STK3: variants seen among roughly 807,000 people sequenced by gnomAD.
STK3 encodes the protein serine/threonine-protein kinase 3.
STK3 carries 41 observed loss-of-function variants against 58.0 expected under a neutral mutation model. The ratio of observed to expected loss-of-function variants is 0.71; its 90% CI spans 0.55 to 0.92. The LOEUF (loss-of-function observed/expected upper bound fraction) is 0.92. Ranked by LOEUF, STK3 falls within the 40% of genes least tolerant of loss-of-function variation. The probability of loss-of-function intolerance (pLI) is 0.00; values close to 1 mark genes in which losing one functional copy is unlikely to be tolerated. For synonymous variants in STK3, 170 were observed against 191.0 expected, an observed-to-expected ratio of 0.89 and a Z score of 0.91; for missense variants, 479 against 602.7, an observed-to-expected ratio of 0.79 and a Z score of 2.15.
intron 3 of STK3, among the ~76,000 whole-genome samples, chr8:98,833,051 G>C (rs150265136): frequency 1.2e-3 from 176 of 152,304 alleles, no homozygotes; most frequent in African/African-American, 3.7e-3. Flanking sequence ...CCAAATGTAA[G>C]GACAATGACC....
chr8:98,849,025 G>C (rs1011354937), intron 3 of STK3, among the ~76,000 whole-genome samples: 2 of 152,020 alleles, frequency 1.3e-5, no homozygotes, highest in Non-Finnish European at 2.9e-5. Context: ...AGGAGTTCGA[G>C]ACCATCCTGG....
chr8:98,582,668 T>G (rs189643401), intron 7 of STK3, among the ~76,000 whole-genome samples: 108 of 152,274 alleles, frequency 7.1e-4, no homozygotes, highest in African/African-American at 2.4e-3. Context: ...ATATGCTAGT[T>G]TCCTTTGTAT....
chr8:98,517,975 GGAGTAC>G (rs1825063799), intron 10 of STK3, among the ~76,000 whole-genome samples: 1 of 151,942 alleles, frequency 6.6e-6, no homozygotes, highest in Non-Finnish European at 1.5e-5. Context: ...ACATATGCTT[GGAGTAC>G]AATATCTTGT....
intron 3 of STK3, among the ~76,000 whole-genome samples, chr8:98,408,718 C>A (rs1284528156): frequency 6.6e-6 from 1 of 152,254 alleles, no homozygotes; most frequent in Non-Finnish European, 1.5e-5. Context: ...GGCTGGCTGG[C>A]AGCGCTCCTG....
downstream of STK3, among the ~76,000 whole-genome samples, chr8:98,367,118 T>G (rs1426056589): frequency 6.6e-6 from 1 of 152,246 alleles, no homozygotes; most frequent in Non-Finnish European, 1.5e-5. Context: ...ATCTGTAAAA[T>G]GGGGATATTC....
chr8:98,384,927 C>T (rs555583549), intron 1 of STK3, among the ~76,000 whole-genome samples: 269 of 152,248 alleles, frequency 1.8e-3, no homozygotes, highest in Non-Finnish European at 3.4e-3. Flanking sequence ...CTGGTGTAAC[C>T]GGGATAACAT....
At chr8:98,621,545 A>G (rs1204503314) in intron 6 of STK3, among the ~76,000 whole-genome samples, 2 of 152,180 alleles carry the variant, frequency 1.3e-5, no homozygotes, top group Non-Finnish European at 1.5e-5. Flanking sequence ...TTTTATAGGT[A>G]TTCTTCATCA....
intron 4 of STK3, among the ~76,000 whole-genome samples, chr8:98,748,610 T>C (rs1829783706): frequency 6.6e-6 from 1 of 151,960 alleles, no homozygotes; most frequent in Non-Finnish European, 1.5e-5. Context: ...ACTCTTCCTA[T>C]TCAAGAAAAA....
intron 4 of STK3, among the ~76,000 whole-genome samples, chr8:98,740,444 A>T (rs939146911): frequency 3.9e-5 from 6 of 152,238 alleles, no homozygotes; most frequent in Admixed American, 3.9e-4. Flanking sequence ...AATATTCAAG[A>T]TTATTAAAGA....
chr8:98,738,206 G>A (rs577144998), intron 4 of STK3, among the ~76,000 whole-genome samples: 23 of 152,108 alleles, frequency 1.5e-4, no homozygotes, highest in Non-Finnish European at 1.9e-4. Context: ...GGCCAGACAC[G>A]GTGGCTCATG....
intron 4 of STK3, among the ~76,000 whole-genome samples, chr8:98,716,380 C>T (rs1827015587): frequency 6.6e-6 from 1 of 151,616 alleles, no homozygotes; most frequent in Non-Finnish European, 1.5e-5. Flanking sequence ...AATGAGCAAT[C>T]TGAAAAGGAA....
intron 3 of STK3, among the ~76,000 whole-genome samples, chr8:98,871,734 G>C (rs923937037): frequency 1.3e-4 from 20 of 152,174 alleles, no homozygotes; most frequent in Admixed American, 6.6e-5. Flanking sequence ...AGTTTAAGGA[G>C]ATTTTGGGCT....
intron 10 of STK3, among the ~76,000 whole-genome samples, chr8:98,495,989 T>G (rs948715148): frequency 1.3e-5 from 2 of 152,180 alleles, no homozygotes; most frequent in African/African-American, 2.4e-5. Flanking sequence ...CAGTGTAAAT[T>G]AGTAGCCCTT....
intron 10 of STK3, among the ~76,000 whole-genome samples, chr8:98,486,403 C>T (rs1822259785): frequency 6.6e-6 from 1 of 152,118 alleles, no homozygotes; most frequent in Non-Finnish European, 1.5e-5. Flanking sequence ...TAAGATCCAA[C>T]AGAAACACAG....
At chr8:98,368,575 T>A (rs1012366616), downstream of STK3, among the ~76,000 whole-genome samples, 1 of 152,182 alleles carries the variant, frequency 6.6e-6, no homozygotes, top group South Asian at 2.1e-4. Flanking sequence ...TCCATGGACA[T>A]GTCCAGGGTT....
chr8:98,587,412 G>T (rs1344306875), intron 7 of STK3, among the ~76,000 whole-genome samples: 1 of 152,056 alleles, frequency 6.6e-6, no homozygotes, highest in Admixed American at 6.5e-5. Context: ...GTGGTTTTGA[G>T]TGAGATTCTT....
intron 8 of STK3, among the ~76,000 whole-genome samples, chr8:98,576,945 T>C (rs919926311): frequency 1.3e-5 from 2 of 152,194 alleles, no homozygotes; most frequent in African/African-American, 2.4e-5. Context: ...ACCAGTGAGC[T>C]ACACCGGGAA....
At chr8:98,648,980 C>A (rs1387697224) in intron 6 of STK3, among the ~76,000 whole-genome samples, 2 of 151,384 alleles carry the variant, frequency 1.3e-5, no homozygotes, top group Non-Finnish European at 2.9e-5. Flanking sequence ...TCACTTGAAG[C>A]CAGGAGGCAG....
chr8:98,932,019 C>T (rs1471020041), intron 1 of STK3, among the ~76,000 whole-genome samples: 2 of 152,142 alleles, frequency 1.3e-5, no homozygotes, highest in African/African-American at 4.8e-5. Context: ...GATACCGAAG[C>T]CAGATCAACG....
Sources: allele counts gnomAD v4.1 joint callset (sites outside exome capture counted in the v4.1 genomes callset), GRCh38; gene constraint gnomAD v4.1.1; transcripts MANE v1.5; gene names NCBI Gene and HGNC (gene_info 2026-07-23, HGNC 2026-07-21).